Variants in RPLP0 observed in about 807,000 individuals in gnomAD.
The protein encoded by RPLP0 is large ribosomal subunit protein uL10.
For missense variants in RPLP0, 276 were observed against 402.9 expected (o/e 0.69, Z 2.70); for synonymous variants, 137 against 153.4 (o/e 0.89, Z 0.79).
Position 120,198,401 on chromosome 12 carries a change from AAAATCCTTC to A in RPLP0, c.651+144_651+152del. 2 of 858,384 alleles carry A rather than the reference AAAATCCTTC, an allele frequency of 2.3e-6. No individual in the cohort carries two copies. Among genetic ancestry groups the A allele is most frequent in the Non-Finnish European group, 1.8e-6 (1 of 568,734 alleles). The allele number at this position is 858,384 out of a possible 1,614,324, so 53.2% of individuals were successfully genotyped here. On this transcript the variant is annotated intron_variant, in intron 6 of 7. Coordinates refer to ENST00000392514, the MANE Select transcript of RPLP0 (RefSeq NM_001002.4). The surrounding 1 kb of genome is among the most constrained non-coding windows in gnomAD (Gnocchi z 4.1). ...ACTCTGTCTCCAAAAAAAAAAAAAAAAAATCCTTCAACAATCTTATGTTGTTACTGACAT... is the reference window on the plus strand; with the variant it reads ...ACTCTGTCTCCAAAAAAAAAAAAAAAAACAATCTTATGTTGTTACTGACAT...
rs1879250480 is a variant in RPLP0, at chr12:120,198,038, C to T, written c.651+516G>A. On this transcript the variant is annotated intron_variant, in intron 6 of 7. Transcript: ENST00000392514. This position sits in a 1 kb window ranked among gnomAD's most constrained non-coding sequence, Gnocchi z 4.1. ...CCACCTCTTAAAAGGCTTTTGATGG[C>T]AAAATGTGAGTCTCAATGCAGGCCC... Among the ~76,000 whole-genome samples, 1 of 151,916 alleles carries T rather than the reference C, an allele frequency of 6.6e-6. No homozygotes were observed. The highest frequency in any genetic ancestry group is 1.5e-5 in the Non-Finnish European group (1 of 68,008).
intron 7 of RPLP0, 134 bp from the exon 8 acceptor site, chr12:120,197,068 A>G (rs1879210926): frequency 1.4e-6 from 2 of 1,464,126 alleles, no homozygotes; most frequent in Admixed American, 3.7e-5. Context: ...AAGCAGCCCA[A>G]GCAGGACAGC....
chr12:120,200,619 A>C, intron 2 of RPLP0, 111 bp downstream of exon 2: 2 of 1,205,506 alleles, frequency 1.7e-6, no homozygotes, highest in Non-Finnish European at 2.3e-6. Flanking sequence ...TTTTCCCAAA[A>C]ATGGCCTAAT....
chr12:120,198,749 A>G lies in RPLP0; in HGVS notation c.466-10T>C, dbSNP rs115221652. On this transcript the variant is annotated splice_polypyrimidine_tract_variant and intron_variant, in intron 5 of 7. Coordinates refer to ENST00000392514, the MANE Select transcript of RPLP0 (RefSeq NM_001002.4). This position sits in a 1 kb window ranked among gnomAD's most constrained non-coding sequence, Gnocchi z 4.1. ...TCAGCTGCACATCACTCTGAACCAG[A>G]TAATAGTGGGGCAGTAAACACCTGT... is the stretch of plus-strand genomic sequence containing the variant. 930 of 1,613,564 alleles carry G rather than the reference A, an allele frequency of 5.8e-4. 3 individuals carry two copies. The African/African-American group carries it at 0.011, about 19-fold the overall frequency.
At chr12:120,200,960 G>C in intron 1 of RPLP0, 123 bp downstream of exon 1, 1 of 1,164,438 alleles carries the variant, frequency 8.6e-7, no homozygotes, top group South Asian at 1.7e-5. Context: ...ATCTCGGGGC[G>C]TGCAAGCCGC....
At chr12:120,200,187 G>C (rs748045295) in intron 2 of RPLP0, 1 of 444,236 alleles carries the variant, frequency 2.3e-6, no homozygotes, top group Non-Finnish European at 4.6e-6. Context: ...ATGTGCGGCC[G>C]GGCGCGGTGG....
At position 120,197,468 on chromosome 12, in the gene RPLP0, G is replaced by A. The variant is rs951636705; in HGVS notation, c.652-6C>T. ...CTGGCAACATTGCGGACACCCTGGGGGAGGGAAGATTTCATTTTACGTGAG... is the reference window on the plus strand; with the variant it reads ...CTGGCAACATTGCGGACACCCTGGGAGAGGGAAGATTTCATTTTACGTGAG... On this transcript the variant is annotated splice_region_variant and splice_polypyrimidine_tract_variant and intron_variant, in intron 6 of 7. Coordinates refer to ENST00000392514, the MANE Select transcript of RPLP0 (RefSeq NM_001002.4). 5 of 1,613,590 alleles carry A rather than the reference G, an allele frequency of 3.1e-6. No individual in the cohort carries two copies. The African/African-American group carries it at 6.7e-5, about 22-fold the overall frequency.
chr12:120,199,905 C>T (rs1466719712), intron 2 of RPLP0: 6 of 402,232 alleles, frequency 1.5e-5, no homozygotes, highest in Non-Finnish European at 3.0e-5. Flanking sequence ...GCGTGTTTAT[C>T]CGGATTGTTA....
In RPLP0 at chr12:120,199,204, G is replaced by A; in HGVS notation, c.232C>T (p.Leu78=). Reference sequence around the variant, plus strand: ...ACATTCCCCCGGATATGAGGCAGCAGTCTGCAAAGAGAAGTTTATGGGAGA... The same window carrying A: ...ACATTCCCCCGGATATGAGGCAGCAATCTGCAAAGAGAAGTTTATGGGAGA... ...HLENNPALEK[L]LPHIRGNVGF... The change falls in exon 4 of 8, where the codon CTG becomes TTG. Residue 78 remains leucine, a splice_region_variant and synonymous_variant. Coordinates refer to ENST00000392514, the MANE Select transcript of RPLP0 (RefSeq NM_001002.4). The A allele has an allele frequency of 6.2e-7, 1 of 1,613,846 alleles. No homozygotes were observed.
At chr12:120,199,565 T>A (rs912106621) in intron 2 of RPLP0, 80 bp from the exon 3 acceptor site, 2 of 1,423,386 alleles carry the variant, frequency 1.4e-6, no homozygotes, top group Non-Finnish European at 1.9e-6. Flanking sequence ...AACCCCACAA[T>A]TTGTTTCCAT....
chr12:120,196,909 G>C lies in RPLP0; in HGVS notation c.818C>G (p.Ser273Cys). ...EKVKAFLADPSAFVAAAPVAA... is the reference protein window; with the variant it reads ...EKVKAFLADPCAFVAAAPVAA... ...CACAGGGGCAGCAGCCACAAAGGCA[G>C]ATGGATCAGCCAAGAAGGCCTTGAC... Residue 273 changes from serine to cysteine, a missense_variant, in exon 8 of 8, where the codon TCT becomes TGT. By Grantham distance (112) the Ser-to-Cys change is moderately radical. Coordinates refer to ENST00000392514, the MANE Select transcript of RPLP0 (RefSeq NM_001002.4). 6.2e-7 allele frequency: 1 copy of C among 1,613,342 alleles called. No individual in the cohort carries two copies. Among genetic ancestry groups the C allele is most frequent in the Non-Finnish European group, 8.5e-7 (1 of 1,180,016 alleles).
At chr12:120,200,624 C>G in intron 2 of RPLP0, 106 bp downstream of exon 2, 1 of 1,263,320 alleles carries the variant, frequency 7.9e-7, no homozygotes, top group Non-Finnish European at 1.1e-6. Context: ...CCAAAAATGG[C>G]CTAATTCAGT....
rs1431663211 is a variant in RPLP0, at chr12:120,198,486, G to A, written c.651+68C>T. On this transcript the variant is annotated intron_variant, in intron 6 of 7. Transcript: ENST00000392514. The surrounding 1 kb of genome is among the most constrained non-coding windows in gnomAD (Gnocchi z 4.1). ...TGAAAACACAGTCCTTGGTTACAGGGACTCAGTCTGAACCTTGTCATGCTC... is the reference window on the plus strand; with the variant it reads ...TGAAAACACAGTCCTTGGTTACAGGAACTCAGTCTGAACCTTGTCATGCTC... 5 of 1,548,964 alleles carry A rather than the reference G, an allele frequency of 3.2e-6. No homozygotes were observed. In the South Asian group the frequency reaches 3.4e-5, roughly 10 times the overall value.
intron 1 of RPLP0, 104 bp from the exon 2 acceptor site, chr12:120,200,935 A>T: frequency 7.4e-7 from 1 of 1,355,490 alleles, no homozygotes; most frequent in Non-Finnish European, 9.7e-7. Context: ...GGCCCTGCCT[A>T]GGGCAGCGGC....
rs200612920 is a variant in RPLP0, at chr12:120,198,567, G to A, written c.638C>T (p.Ser213Phe). ...GACAGCATATACCTCCAGGAAGCGA[G>A]AATGCAGAGTTTCCTCTGTGATATC... ...VLDITEETLH[S>F]RFLEGVRNVA... Residue 213 changes from serine to phenylalanine, a missense_variant, in exon 6 of 8, where the codon TCT becomes TTT. Transcript: ENST00000392514. This position sits in a 1 kb window ranked among gnomAD's most constrained non-coding sequence, Gnocchi z 4.1. 2 of 1,614,136 alleles carry A rather than the reference G, an allele frequency of 1.2e-6. No individual in the cohort carries two copies. The highest frequency in any genetic ancestry group is 4.5e-5 in the East Asian group (2 of 44,880).
At chr12:120,200,687 C>G in intron 2 of RPLP0, 43 bp downstream of exon 2, 1 of 1,592,642 alleles carries the variant, frequency 6.3e-7, no homozygotes. Flanking sequence ...CCTATTTGCG[C>G]TGGGGCAACA....
chr12:120,197,190 C>A, intron 7 of RPLP0, 132 bp downstream of exon 7: 1 of 1,029,856 alleles, frequency 9.7e-7, no homozygotes, highest in Non-Finnish European at 1.5e-6. Context: ...TGCCTCCCAA[C>A]CTCTCAAATA....
rs751174993 is a variant in RPLP0, at chr12:120,199,343, C to T, written c.197G>A (p.Arg66Gln). The change falls in exon 3 of 8, where the codon CGA becomes CAA. Residue 66 changes from arginine to glutamine, a missense_variant. Transcript: ENST00000392514. Reference protein sequence around the residue: ...GKNTMMRKAIRGHLENNPALE... With the variant: ...GKNTMMRKAIQGHLENNPALE... ...AGCTGGGTTGTTTTCCAGGTGCCCT[C>T]GGATGGCCTTGCGCATCATGGTGTT... 3 of 1,614,052 alleles carry T rather than the reference C, an allele frequency of 1.9e-6. No individual in the cohort carries two copies. The highest frequency in any genetic ancestry group is 2.5e-6 in the Non-Finnish European group (3 of 1,180,048).
chr12:120,197,149 T>C (rs1195776849), intron 7 of RPLP0, 173 bp downstream of exon 7: 4 of 1,025,738 alleles, frequency 3.9e-6, no homozygotes, highest in African/African-American at 1.6e-5. Context: ...TTTGGGTCTC[T>C]TGTCATTTCT....
Sources: allele counts gnomAD v4.1 joint callset (sites outside exome capture counted in the v4.1 genomes callset), GRCh38; gene constraint gnomAD v4.1.1; non-coding constraint Gnocchi (gnomAD v3.1); transcripts MANE v1.5; gene names NCBI Gene and HGNC (gene_info 2026-07-23, HGNC 2026-07-21).